Variants in FAM240A observed in about 807,000 individuals in gnomAD.
The protein encoded by FAM240A is family with sequence similarity 240 member A.
In FAM240A, 8 loss-of-function variants were observed where a neutral mutation model predicts 7.3. The observed-to-expected ratio is 1.09, with a 90% confidence interval of 0.64 to 1.97. The LOEUF is 1.97. Among genes scored for constraint, FAM240A ranks in the 30% most tolerant of loss-of-function variants. The pLI, the probability that FAM240A is intolerant of heterozygous loss-of-function variation, is 0.00. For synonymous variants in FAM240A, 32 were observed against 35.9 expected, an observed-to-expected ratio of 0.89 and a Z score of 0.38; for missense variants, 90 against 102.2, an observed-to-expected ratio of 0.88 and a Z score of 0.52.
In FAM240A at chr3:46,612,669, T is replaced by G. The variant is rs1448383269; in HGVS notation, c.-15T>G. 1 of 1,535,540 alleles carries G rather than the reference T, an allele frequency of 6.5e-7. No homozygotes were observed. Among genetic ancestry groups the G allele is most frequent in the Non-Finnish European group, 8.7e-7 (1 of 1,146,446 alleles). The stretch of plus-strand genomic sequence containing the variant: ...CACATTTGGTTCGACTGAATCGATG[T>G]CTTCACATCCCTTCATGCGGTTGTT... On this transcript the variant is annotated 5_prime_UTR_variant, in exon 1 of 3. Coordinates refer to ENST00000640551, the MANE Select transcript of FAM240A (RefSeq NM_001195442.2).
chr3:46,617,853 C>T (rs1389052639), intron 2 of FAM240A, among the ~76,000 whole-genome samples: 1 of 152,192 alleles, frequency 6.6e-6, no homozygotes, highest in Non-Finnish European at 1.5e-5. Context: ...GGCGGGGTCT[C>T]CCCTTGTGTG....
chr3:46,622,146 T>C (rs1374773951), intron 2 of FAM240A, among the ~76,000 whole-genome samples: 2 of 133,686 alleles, frequency 1.5e-5, no homozygotes, highest in Non-Finnish European at 3.2e-5. Context: ...AGAGTCTCAC[T>C]CTGTCGCCCA....
chr3:46,620,143 C>G (rs2107144996), intron 2 of FAM240A, among the ~76,000 whole-genome samples: 1 of 151,926 alleles, frequency 6.6e-6, no homozygotes, highest in East Asian at 1.9e-4. Context: ...CATGCTAGTC[C>G]TTGAATCGCC....
chr3:46,617,014 A>G (rs1270929248), intron 1 of FAM240A, among the ~76,000 whole-genome samples, 169 bp from the exon 2 acceptor site: 1 of 64,792 alleles, frequency 1.5e-5, no homozygotes, highest in Non-Finnish European at 4.5e-5. Flanking sequence ...CATCTGCACC[A>G]ACACCTATTA....
rs1020407890 is a variant in FAM240A at position 46,625,225 on chromosome 3, C to T, written c.*7C>T. 6.5e-7 allele frequency: 1 copy of T among 1,527,014 alleles called. No homozygotes were observed. Among genetic ancestry groups the T allele is most frequent in the Non-Finnish European group, 8.8e-7 (1 of 1,140,772 alleles). The allele number at this position is 1,527,014 out of a possible 1,614,324, so 94.6% of individuals were successfully genotyped here. A position where few individuals can be genotyped will look rare whatever the true frequency, so the allele number is the denominator to read the frequency against. On this transcript the variant is annotated 3_prime_UTR_variant, in exon 3 of 3. Transcript: ENST00000640551. ...GAGGACAAATGTTGGCTGAGAGCTT[C>T]CTGCTTCATTGACACAAGAAGATGC...
At chr3:46,615,577 AC>A (rs1697618868) in intron 1 of FAM240A, among the ~76,000 whole-genome samples, 2 of 151,934 alleles carry the variant, frequency 1.3e-5, no homozygotes, top group African/African-American at 4.8e-5. Context: ...GCCTGTCTGG[AC>A]CCACCATTTC....
intron 2 of FAM240A, among the ~76,000 whole-genome samples, chr3:46,621,887 ATCTTAG>A (rs1455967767): frequency 6.6e-6 from 1 of 151,868 alleles, no homozygotes; most frequent in Admixed American, 6.6e-5. Context: ...TGTTTCTACC[ATCTTAG>A]TTACTTAGAG....
At chr3:46,618,867 GTATATATA>G (rs35741930) in intron 2 of FAM240A, among the ~76,000 whole-genome samples, 41,770 of 138,526 alleles carry the variant, frequency 0.3, 6,917 homozygotes, top group Non-Finnish European at 0.38. Flanking sequence ...ATATATATAT[GTATATATA>G]TATATATACA....
rs1697575158 is a variant in FAM240A at position 46,612,566 on chromosome 3, T to C, written c.-118T>C. Reference sequence around the variant, plus strand: ...GTTAAGGCTTGCGAGGGACAAATGTTCCTTTGTTCTTGTTGATTTGCTGAA... The same window carrying C: ...GTTAAGGCTTGCGAGGGACAAATGTCCCTTTGTTCTTGTTGATTTGCTGAA... On this transcript the variant is annotated 5_prime_UTR_variant, in exon 1 of 3. Transcript: ENST00000640551. 1.3e-5 allele frequency: 10 copies of C among 777,310 alleles called. No individual in the cohort carries two copies. Among genetic ancestry groups the C allele is most frequent in the Non-Finnish European group, 2.0e-5 (9 of 458,990 alleles). The allele number at this position is 777,310 out of a possible 1,614,324, so 48.2% of individuals were successfully genotyped here.
rs80118899 is a variant in FAM240A at position 46,616,008 on chromosome 3, A to C, written c.16-1175A>C. 8.5e-3 allele frequency among the ~76,000 whole-genome samples: 1,299 copies of C among 152,372 alleles called. 55 individuals are homozygous for C. Among genetic ancestry groups the C allele is most frequent in the Admixed American group, 0.07 (1,069 of 15,308 alleles). ...TCTCACCTAAAAGATGAAGAAGGTC[A>C]TGGCCATCTCATGTGGATGTTGTGA... On this transcript the variant is annotated intron_variant, in intron 1 of 2. Coordinates refer to ENST00000640551, the MANE Select transcript of FAM240A (RefSeq NM_001195442.2).
chr3:46,622,819 T>A (rs1697712496), intron 2 of FAM240A, among the ~76,000 whole-genome samples: 1 of 152,226 alleles, frequency 6.6e-6, no homozygotes, highest in South Asian at 2.1e-4. Flanking sequence ...TCTTACAACT[T>A]CTTCAAAATT....
chr3:46,614,925 A>G (rs1411788296), intron 1 of FAM240A, among the ~76,000 whole-genome samples: 6 of 152,214 alleles, frequency 3.9e-5, no homozygotes, highest in African/African-American at 1.4e-4. Flanking sequence ...ATGAATCCCT[A>G]TGCCAGACAA....
intron 1 of FAM240A, among the ~76,000 whole-genome samples, chr3:46,616,548 T>C (rs1413306050): frequency 2.0e-5 from 3 of 152,166 alleles, no homozygotes; most frequent in Non-Finnish European, 4.4e-5. Flanking sequence ...AACCCGTGGC[T>C]TAGCTACCAC....
intron 2 of FAM240A, among the ~76,000 whole-genome samples, chr3:46,623,572 G>A (rs192903191): frequency 1.0e-3 from 159 of 152,040 alleles, no homozygotes; most frequent in Non-Finnish European, 2.0e-3. Context: ...CTGTTATTAG[G>A]TACAAAAATG....
intron 2 of FAM240A, among the ~76,000 whole-genome samples, chr3:46,624,349 G>T (rs11928922): frequency 0.12 from 16,407 of 139,986 alleles, 1,129 homozygotes; most frequent in East Asian, 0.34. Flanking sequence ...TCGGCTCACT[G>T]CAACCTCCTC....
intron 2 of FAM240A, among the ~76,000 whole-genome samples, chr3:46,622,158 T>C (rs913193567): frequency 2.3e-4 from 34 of 146,340 alleles, no homozygotes; most frequent in South Asian, 4.5e-4. Context: ...TGTCGCCCAG[T>C]GCAGTGGCTC....
chr3:46,624,117 T>C (rs1697727917), intron 2 of FAM240A, among the ~76,000 whole-genome samples: 1 of 152,198 alleles, frequency 6.6e-6, no homozygotes, highest in African/African-American at 2.4e-5. Flanking sequence ...ATTTTATCAC[T>C]TTTTGTGTAG....
At chr3:46,618,856 T>A (rs1051647712) in intron 2 of FAM240A, among the ~76,000 whole-genome samples, 3 of 82,478 alleles carry the variant, frequency 3.6e-5, no homozygotes, top group African/African-American at 1.5e-4. Context: ...GAAAAAAAGA[T>A]ATATATATAT....
Position 46,625,272 on chromosome 3 carries a change from T to A in FAM240A, c.*54T>A. 1 of 1,349,212 alleles carries A rather than the reference T, an allele frequency of 7.4e-7. No homozygotes were observed. Among genetic ancestry groups the A allele is most frequent in the Non-Finnish European group, 1.0e-6 (1 of 983,120 alleles). The allele number at this position is 1,349,212 out of a possible 1,614,324, so 83.6% of individuals were successfully genotyped here. On this transcript the variant is annotated 3_prime_UTR_variant, in exon 3 of 3. Transcript: ENST00000640551. ...ATGCAAAACACTGAGGTCACTTTGC[T>A]AGAAGTCAGTGCAAATTCCTGAGTC...
Sources: allele counts gnomAD v4.1 joint callset (sites outside exome capture counted in the v4.1 genomes callset), GRCh38; gene constraint gnomAD v4.1.1; transcripts MANE v1.5; gene names NCBI Gene and HGNC (gene_info 2026-07-23, HGNC 2026-07-21).